Variants in BAZ1A observed in about 807,000 individuals in gnomAD.
BAZ1A encodes bromodomain adjacent to zinc finger domain protein 1A.
BAZ1A carries 50 observed loss-of-function variants against 185.2 expected under a neutral mutation model. That is an observed-to-expected ratio of 0.27 (90% CI 0.22 to 0.34). BAZ1A has a LOEUF of 0.34. BAZ1A is among the 10% of genes least tolerant of loss of function. The pLI, the probability that BAZ1A is intolerant of heterozygous loss-of-function variation, is 1.00. For synonymous variants in BAZ1A, 571 were observed against 615.6 expected, an observed-to-expected ratio of 0.93 and a Z score of 1.07; for missense variants, 1,356 against 1,839.9, an observed-to-expected ratio of 0.74 and a Z score of 4.81.
At chr14:34,821,984 CAAAAT>C (rs2042097093) in intron 4 of BAZ1A, among the ~76,000 whole-genome samples, 1 of 151,388 alleles carries the variant, frequency 6.6e-6, no homozygotes, top group Non-Finnish European at 1.5e-5. Flanking sequence ...AACCCCATCT[CAAAAT>C]AAAAATAAAA....
intron 4 of BAZ1A, among the ~76,000 whole-genome samples, chr14:34,825,060 C>G (rs1190571746): frequency 6.6e-6 from 1 of 152,184 alleles, no homozygotes; most frequent in African/African-American, 2.4e-5. Flanking sequence ...CCAGCTGACA[C>G]AGACCATCAA....
In BAZ1A at chr14:34,800,406, AAACTTAG is replaced by A; in HGVS notation, c.962-23_962-17del. ...TTTTCAAAAGCTGTGAAGAAAAATC[AAACTTAG>A]AACTATATATATAGACAAAATAACA... On this transcript the variant is annotated splice_polypyrimidine_tract_variant and intron_variant, in intron 8 of 26. Coordinates refer to ENST00000360310, the MANE Select transcript of BAZ1A (RefSeq NM_013448.3). 6.5e-7 allele frequency: 1 copy of A among 1,527,740 alleles called. No individual in the cohort carries two copies. Among genetic ancestry groups the A allele is most frequent in the South Asian group, 1.3e-5 (1 of 78,540 alleles). The allele number at this position is 1,527,740 out of a possible 1,614,324, so 94.6% of individuals were successfully genotyped here.
In BAZ1A at chr14:34,807,511, A is replaced by G. The variant is rs776784971; in HGVS notation, c.666T>C (p.Asp222=). 2 of 1,613,214 alleles carry G rather than the reference A, an allele frequency of 1.2e-6. No individual in the cohort carries two copies. The highest frequency in any genetic ancestry group is 2.2e-5 in the South Asian group (2 of 90,966). Residue 222 remains aspartate, a synonymous_variant, in exon 6 of 27, where the codon GAT becomes GAC. Coordinates refer to ENST00000360310, the MANE Select transcript of BAZ1A (RefSeq NM_013448.3). ...ISRRKHLFSR[D]KLKLFLKQHC... The stretch of plus-strand genomic sequence containing the variant: ...GTTGCTTCAGAAAAAGCTTTAGTTT[A>G]TCACGAGAAAATAGGTGTTTTCTCC...
chr14:34,814,781 C>CT (rs911007365), intron 4 of BAZ1A, among the ~76,000 whole-genome samples: 97 of 138,554 alleles, frequency 7.0e-4, no homozygotes, highest in Admixed American at 6.5e-4. Flanking sequence ...CAGACCTTAT[C>CT]TTTTTTTTTT....
chr14:34,776,762 C>T (rs890895646), intron 17 of BAZ1A, among the ~76,000 whole-genome samples: 1 of 152,102 alleles, frequency 6.6e-6, no homozygotes, highest in African/African-American at 2.4e-5. Context: ...TTCTTAGACA[C>T]CAGAGATCTT....
At chr14:34,795,240 TGTA>T (rs1181197304) in intron 10 of BAZ1A, among the ~76,000 whole-genome samples, 1 of 152,196 alleles carries the variant, frequency 6.6e-6, no homozygotes, top group Non-Finnish European at 1.5e-5. Context: ...CTACCTTCAA[TGTA>T]GTAGCTCCTT....
At chr14:34,847,514 T>C (rs1051325579) in intron 3 of BAZ1A, among the ~76,000 whole-genome samples, 2 of 152,160 alleles carry the variant, frequency 1.3e-5, no homozygotes, top group South Asian at 4.1e-4. Context: ...CCTGTAATCC[T>C]TTCTGCTAAT....
chr14:34,821,686 A>C (rs1417612011), intron 4 of BAZ1A, among the ~76,000 whole-genome samples: 1 of 152,242 alleles, frequency 6.6e-6, no homozygotes, highest in African/African-American at 2.4e-5. Flanking sequence ...TAGACAAATT[A>C]GTTAAAAATA....
chr14:34,805,818 C>T (rs1220929429), intron 6 of BAZ1A, among the ~76,000 whole-genome samples: 5 of 151,048 alleles, frequency 3.3e-5, no homozygotes, highest in Non-Finnish European at 7.4e-5. Flanking sequence ...AGTTAATTTG[C>T]GTTCTTCATT....
intron 4 of BAZ1A, among the ~76,000 whole-genome samples, chr14:34,814,900 A>G (rs1400127244): frequency 6.6e-6 from 1 of 151,540 alleles, no homozygotes; most frequent in African/African-American, 2.4e-5. Flanking sequence ...CAGCCTCCCG[A>G]GTAGCTGGGA....
At chr14:34,783,741 A>G (rs752785542) in intron 15 of BAZ1A, 21 bp downstream of exon 15, 6 of 1,599,628 alleles carry the variant, frequency 3.8e-6, no homozygotes, top group Non-Finnish European at 5.1e-6. Flanking sequence ...CATTAACACA[A>G]CTATTACAAT....
At chr14:34,770,175 CAG>C (rs1411876011) in intron 21 of BAZ1A, among the ~76,000 whole-genome samples, 1 of 152,060 alleles carries the variant, frequency 6.6e-6, no homozygotes, top group African/African-American at 2.4e-5. Context: ...TTTTTTAAGA[CAG>C]AGTTTCTCTC....
intron 7 of BAZ1A, among the ~76,000 whole-genome samples, chr14:34,802,602 G>C (rs1594855953): frequency 6.6e-6 from 1 of 152,116 alleles, no homozygotes; most frequent in African/African-American, 2.4e-5. Flanking sequence ...TTCAGTAATT[G>C]CTTATGTGCT....
At chr14:34,759,182 T>TGTTTTTTTTTTTTTG (rs1379077587) in intron 24 of BAZ1A, among the ~76,000 whole-genome samples, 1 of 119,062 alleles carries the variant, frequency 8.4e-6, no homozygotes, top group Non-Finnish European at 1.7e-5. Context: ...TTTTTTTTTT[T>TGTTTTTTTTTTTTTG]TTTTTTTTTT....
chr14:34,799,635 G>A (rs999718035), intron 9 of BAZ1A, among the ~76,000 whole-genome samples: 12 of 150,510 alleles, frequency 8.0e-5, no homozygotes, highest in East Asian at 1.9e-4. Flanking sequence ...TTTTTGAGAC[G>A]GAGTCTTGTT....
At chr14:34,841,524 G>C (rs1461982252) in intron 3 of BAZ1A, among the ~76,000 whole-genome samples, 1 of 151,996 alleles carries the variant, frequency 6.6e-6, no homozygotes, top group Non-Finnish European at 1.5e-5. Flanking sequence ...CAAGTAGCTG[G>C]GATTACAGGC....
At chr14:34,868,009 G>T (rs749184585) in intron 2 of BAZ1A, among the ~76,000 whole-genome samples, 1 of 152,114 alleles carries the variant, frequency 6.6e-6, no homozygotes, top group East Asian at 1.9e-4. Flanking sequence ...AACATACAAA[G>T]TATTTTTATA....
At position 34,752,981 on chromosome 14, in the gene BAZ1A, A is replaced by G. The variant is rs1374768924; in HGVS notation, c.*527T>C. On this transcript the variant is annotated 3_prime_UTR_variant, in exon 27 of 27. Transcript: ENST00000360310. ...TACTCTCAATACTAAATAAATATCTAGTTAATAAACTTGGACTTAATACCT... is the reference window on the plus strand; with the variant it reads ...TACTCTCAATACTAAATAAATATCTGGTTAATAAACTTGGACTTAATACCT... The G allele has an allele frequency of 6.5e-6, 1 of 152,680 alleles. No homozygotes were observed. The highest frequency in any genetic ancestry group is 2.4e-5 in the African/African-American group (1 of 41,468). The allele number at this position is 152,680 out of a possible 1,614,324, so 9.5% of individuals were successfully genotyped here.
chr14:34,842,461 G>A (rs989729904), intron 3 of BAZ1A, among the ~76,000 whole-genome samples: 5 of 152,242 alleles, frequency 3.3e-5, no homozygotes, highest in Non-Finnish European at 7.4e-5. Context: ...AAGCAGCAGG[G>A]CAACCCATTT....
Sources: allele counts gnomAD v4.1 joint callset (sites outside exome capture counted in the v4.1 genomes callset), GRCh38; gene constraint gnomAD v4.1.1; transcripts MANE v1.5; gene names NCBI Gene and HGNC (gene_info 2026-07-23, HGNC 2026-07-21).